SLC2A12: variants seen among roughly 807,000 people sequenced by gnomAD.
SLC2A12 encodes solute carrier family 2 member 12.
A neutral mutation model predicts 41.8 loss-of-function variants in SLC2A12; 23 were observed. The observed-to-expected ratio is 0.55, with a 90% CI of 0.40 to 0.78. The LOEUF is 0.78. Among genes scored for constraint, SLC2A12 ranks in the 30% least tolerant of loss-of-function variants. The probability of loss-of-function intolerance (pLI) is 0.00; values close to 1 mark genes in which losing one functional copy is unlikely to be tolerated. For synonymous variants in SLC2A12, 295 were observed against 285.9 expected (o/e 1.03, Z -0.32); for missense variants, 654 against 745.6 (o/e 0.88, Z 1.43).
At chr6:134,011,860 T>C (rs908297282) in intron 2 of SLC2A12, among the ~76,000 whole-genome samples, 1 of 152,034 alleles carries the variant, frequency 6.6e-6, no homozygotes. Flanking sequence ...TGGCCAGCAT[T>C]GTGAAACCTC....
intron 1 of SLC2A12, among the ~76,000 whole-genome samples, chr6:134,038,828 C>T (rs965948277): frequency 2.0e-5 from 3 of 148,946 alleles, no homozygotes; most frequent in Non-Finnish European, 4.4e-5. Flanking sequence ...CCTCAGCCTT[C>T]TGAGTAGCTG....
Position 134,029,250 on chromosome 6 carries a change from A to T in SLC2A12, c.575T>A (p.Val192Asp). 6.2e-7 allele frequency: 1 copy of T among 1,614,230 alleles called. No individual in the cohort carries two copies. Among genetic ancestry groups the T allele is most frequent in the Non-Finnish European group, 8.5e-7 (1 of 1,180,044 alleles). The change falls in exon 2 of 5, where the codon GTT becomes GAT. Residue 192 changes from valine to aspartate, a missense_variant. Val to Asp is a radical substitution (Grantham distance 152). Around this residue, in one of 3 missense-constraint regions of SLC2A12, gnomAD observed 411 missense variants for 412.1 expected, o/e 1.00. Transcript: ENST00000275230. Reference protein sequence around the residue: ...AYISNYAFANVFHGWKYMFGL... With the variant: ...AYISNYAFANDFHGWKYMFGL... The stretch of plus-strand genomic sequence containing the variant: ...AAACATGTACTTCCAGCCATGGAAA[A>T]CATTGGCAAATGCGTAATTTGAAAT...
At chr6:133,997,102 A>G (rs1396897579) in intron 4 of SLC2A12, among the ~76,000 whole-genome samples, 1 of 149,912 alleles carries the variant, frequency 6.7e-6, no homozygotes, top group East Asian at 2.0e-4. Context: ...AAAAAAAAAA[A>G]AAAAAAAAGC....
At chr6:133,996,146 T>C (rs1776684019) in intron 4 of SLC2A12, among the ~76,000 whole-genome samples, 1 of 152,232 alleles carries the variant, frequency 6.6e-6, no homozygotes, top group African/African-American at 2.4e-5. Flanking sequence ...AGATGCTCGA[T>C]AAATATTTGT....
chr6:134,027,253 C>G (rs1777126335), intron 2 of SLC2A12, among the ~76,000 whole-genome samples: 4 of 152,212 alleles, frequency 2.6e-5, no homozygotes, highest in Admixed American at 2.6e-4. Flanking sequence ...CAGTGGATGA[C>G]TAAAGCAAGC....
At chr6:134,005,619 C>G (rs1776802253) in intron 3 of SLC2A12, among the ~76,000 whole-genome samples, 1 of 126,898 alleles carries the variant, frequency 7.9e-6, no homozygotes, top group Non-Finnish European at 1.6e-5. Flanking sequence ...GAGATCACAC[C>G]ACTGCACTCC....
At chr6:134,045,238 T>C (rs1007863287) in intron 1 of SLC2A12, among the ~76,000 whole-genome samples, 3 of 152,186 alleles carry the variant, frequency 2.0e-5, no homozygotes, top group African/African-American at 7.2e-5. Flanking sequence ...TAAAACAGAA[T>C]GCAAACAAGT....
At chr6:134,012,270 A>G (rs1042797597) in intron 2 of SLC2A12, among the ~76,000 whole-genome samples, 2 of 152,198 alleles carry the variant, frequency 1.3e-5, no homozygotes, top group Non-Finnish European at 2.9e-5. Context: ...ATGTTCTCTA[A>G]TCTTTCTGTC....
chr6:134,051,168 T>C (rs1379994740), intron 1 of SLC2A12, among the ~76,000 whole-genome samples: 1 of 152,138 alleles, frequency 6.6e-6, no homozygotes, highest in Non-Finnish European at 1.5e-5. Context: ...TCAAGTGATC[T>C]GCCCACCTTG....
At chr6:134,013,148 G>A (rs76285028) in intron 2 of SLC2A12, among the ~76,000 whole-genome samples, 4,904 of 151,952 alleles carry the variant, frequency 0.032, 264 homozygotes, top group African/African-American at 0.11. Flanking sequence ...ACCTTAGGCC[G>A]GGCATGGTGG....
At chr6:134,047,698 C>T (rs1777478462) in intron 1 of SLC2A12, among the ~76,000 whole-genome samples, 1 of 152,230 alleles carries the variant, frequency 6.6e-6, no homozygotes, top group African/African-American at 2.4e-5. Context: ...CTCTCAGCTG[C>T]TTCAGCAACT....
intron 2 of SLC2A12, among the ~76,000 whole-genome samples, chr6:134,011,544 G>A (rs935672705): frequency 1.3e-5 from 2 of 152,072 alleles, no homozygotes; most frequent in Non-Finnish European, 1.5e-5. Context: ...GATTGAGCCT[G>A]CAGTGAGTGA....
At chr6:134,023,447 A>G (rs1777072228) in intron 2 of SLC2A12, among the ~76,000 whole-genome samples, 1 of 152,174 alleles carries the variant, frequency 6.6e-6, no homozygotes, top group South Asian at 2.1e-4. Context: ...ACAAGAGGAA[A>G]AGGAATTCAG....
rs150896382 is a variant in SLC2A12 at position 134,028,395 on chromosome 6, A to G, written c.1430T>C (p.Ile477Thr). ...AAAGTACTTACTTGGTCCTAGACCA[A>G]TTGAAAAAGCAGCAACATAAACAAG... ...SLLVYVAAFS[I>T]GLGPMPWLVL... Residue 477 changes from isoleucine to threonine, a missense_variant, in exon 2 of 5, where the codon ATT becomes ACT. Ile to Thr is a moderately conservative substitution (Grantham distance 89). Coordinates refer to ENST00000275230, the MANE Select transcript of SLC2A12 (RefSeq NM_145176.3). 281 of 1,612,272 alleles carry G rather than the reference A, an allele frequency of 1.7e-4. No individual in the cohort carries two copies. The highest frequency in any genetic ancestry group is 2.3e-4 in the Non-Finnish European group (271 of 1,179,228).
intron 2 of SLC2A12, among the ~76,000 whole-genome samples, chr6:134,016,104 G>GA (rs1776958335): frequency 6.6e-6 from 1 of 152,048 alleles, no homozygotes; most frequent in South Asian, 2.1e-4. Flanking sequence ...TGTCTTATGG[G>GA]AAAAGGCACT....
intron 2 of SLC2A12, chr6:134,009,022 A>G (rs12176172): frequency 0.16 from 24,781 of 151,992 alleles, 2,153 homozygotes; most frequent in Admixed American, 0.19. Context: ...ATTTAGTGAG[A>G]TTTGGGGAGA....
In SLC2A12 at chr6:134,002,056, C is replaced by A; in HGVS notation, c.1641G>T (p.Met547Ile). The A allele has an allele frequency of 6.2e-7, 1 of 1,603,494 alleles. No individual in the cohort carries two copies. Among genetic ancestry groups the A allele is most frequent in the Non-Finnish European group, 8.5e-7 (1 of 1,176,980 alleles). Residue 547 changes from methionine (M) to isoleucine (I), a missense_variant, in exon 4 of 5, where the codon ATG becomes ATT. Physicochemically the swap from Met to Ile is conservative, Grantham distance 10. This residue lies in a region of SLC2A12 where 134 missense variants were observed against 180.5 expected (regional missense o/e 0.74). Coordinates refer to ENST00000275230, the MANE Select transcript of SLC2A12 (RefSeq NM_145176.3). ...MSLASLLFVV[M>I]FIPETKGCSL... The stretch of plus-strand genomic sequence containing the variant: ...AGCATCCCTTTGTCTCAGGTATAAA[C>A]ATAACAACAAAAAGCAGGGATGCTA...
intron 2 of SLC2A12, among the ~76,000 whole-genome samples, chr6:134,012,034 T>C (rs1019097352): frequency 2.6e-5 from 4 of 152,144 alleles, no homozygotes; most frequent in African/African-American, 9.6e-5. Flanking sequence ...AGAGCTAGGC[T>C]GCCTCCCCCA....
rs112200576 is a variant in SLC2A12, at chr6:134,000,495, A to G, written c.1700+1502T>C. Reference sequence around the variant, plus strand: ...ATGCCCACAATATCTGTAATCATACATTTTTCTCTACTGTTTTCAAAGTAT... The same window carrying G: ...ATGCCCACAATATCTGTAATCATACGTTTTTCTCTACTGTTTTCAAAGTAT... On this transcript the variant is annotated intron_variant, in intron 4 of 4. Transcript: ENST00000275230. Among the ~76,000 whole-genome samples the G allele has an allele frequency of 2.8e-3, 424 of 152,310 alleles. 1 individual carries two copies. The highest frequency in any genetic ancestry group is 9.9e-3 in the African/African-American group (412 of 41,568).
Sources: gnomAD v4.1 joint callset for allele counts (sites outside exome capture counted in the v4.1 genomes callset) on GRCh38, gnomAD v4.1.1 for gene constraint, gnomAD v4.1.1 regional missense constraint, MANE v1.5 for transcripts, NCBI Gene and HGNC (gene_info 2026-07-23, HGNC 2026-07-21) for gene names.